The following ERI1 variants were observed in gnomAD, a reference collection of about 807,000 sequenced individuals.
ERI1 encodes the protein exoribonuclease 1.
ERI1 carries 39 observed loss-of-function variants against 39.7 expected under a neutral mutation model. The observed-to-expected ratio is 0.98, with a 90% CI of 0.76 to 1.28. The LOEUF (loss-of-function observed/expected upper bound fraction) is 1.28. Among genes scored for constraint, ERI1 ranks in the 50% most tolerant of loss-of-function variants. ERI1 has a pLI of 0.00. For missense variants in ERI1, 581 were observed against 416.9 expected (o/e 1.39, Z -3.43); for synonymous variants, 204 against 149.6 (o/e 1.36, Z -2.65).
intron 6 of ERI1, 74 bp from the exon 7 acceptor site, chr8:9,029,718 T>C: frequency 6.4e-7 from 1 of 1,553,834 alleles, no homozygotes; most frequent in Non-Finnish European, 8.8e-7. Context: ...AGTTTCTTAT[T>C]TTTCATCTTA....
At chr8:9,045,839 G>A (rs973432903) in intron 3 of ERI1, among the ~76,000 whole-genome samples, 17 of 151,902 alleles carry the variant, frequency 1.1e-4, no homozygotes, top group African/African-American at 4.1e-4. Context: ...ACCACGCCTG[G>A]CTAATATTTT....
At chr8:9,068,957 A>G (rs1484204935) in intron 3 of ERI1, among the ~76,000 whole-genome samples, 1 of 152,078 alleles carries the variant, frequency 6.6e-6, no homozygotes, top group East Asian at 1.9e-4. Context: ...AGCTGGGACT[A>G]CAGGTGTGCA....
intron 3 of ERI1, among the ~76,000 whole-genome samples, chr8:9,075,073 C>T (rs570545364): frequency 6.6e-6 from 1 of 152,334 alleles, no homozygotes; most frequent in East Asian, 1.9e-4. Context: ...CCAAGATTCC[C>T]TGTTCGGTGA....
At chr8:9,025,063 C>T (rs1818326109) in intron 6 of ERI1, among the ~76,000 whole-genome samples, 1 of 152,174 alleles carries the variant, frequency 6.6e-6, no homozygotes, top group East Asian at 1.9e-4. Flanking sequence ...AGCGTTAAGT[C>T]TGTCTCTGGT....
At chr8:9,067,590 G>A (rs1250389571) in intron 3 of ERI1, among the ~76,000 whole-genome samples, 4 of 151,622 alleles carry the variant, frequency 2.6e-5, no homozygotes, top group African/African-American at 9.7e-5. Flanking sequence ...AGGACCTCCA[G>A]GCTGCAGTGA....
chr8:9,016,540 G>A, intron 4 of ERI1, 135 bp downstream of exon 4: 1 of 391,782 alleles, frequency 2.6e-6, no homozygotes. Flanking sequence ...CTTTCATGTT[G>A]TAATAATTAA....
In ERI1 at chr8:9,031,864, C is replaced by A. The variant is rs906018955; in HGVS notation, c.*1830C>A. 1 of 152,164 alleles carries A rather than the reference C, an allele frequency of 6.6e-6. No individual in the cohort carries two copies. The highest frequency in any genetic ancestry group is 2.4e-5 in the African/African-American group (1 of 41,400). The allele number at this position is 152,164 out of a possible 1,614,324, so 9.4% of individuals were successfully genotyped here. ...CCTCCGCCTCCTGGGCTCAGGTGAT[C>A]CTCTTGCCTCAGCCTCCTGAGTAGC... On this transcript the variant is annotated 3_prime_UTR_variant, in exon 7 of 7. Coordinates refer to ENST00000250263, the MANE Select transcript of ERI1 (RefSeq NM_153332.4).
intron 3 of ERI1, among the ~76,000 whole-genome samples, chr8:9,072,301 T>G (rs1444106840): frequency 6.6e-6 from 1 of 152,210 alleles, no homozygotes; most frequent in Non-Finnish European, 1.5e-5. Context: ...GTTTTTGTTA[T>G]TATTTTGAAA....
At position 9,011,662 on chromosome 8, in the gene ERI1, A is replaced by C; in HGVS notation, c.408A>C (p.Glu136Asp). 2 of 1,613,698 alleles carry C rather than the reference A, an allele frequency of 1.2e-6. No homozygotes were observed. Among genetic ancestry groups the C allele is most frequent in the Non-Finnish European group, 1.7e-6 (2 of 1,179,704 alleles). Reference sequence around the variant, plus strand: ...ACTACATTTGTATTATTGACTTTGAAGCCACTTGTGAAGAAGGAAACCCAC... The same window carrying C: ...ACTACATTTGTATTATTGACTTTGACGCCACTTGTGAAGAAGGAAACCCAC... ...YYDYICIIDF[E>D]ATCEEGNPPE... Residue 136 changes from glutamate (E) to aspartate (D), a missense_variant, in exon 3 of 7, where the codon GAA (glutamate) becomes GAC (aspartate). Glu to Asp is a conservative substitution (Grantham distance 45). Coordinates refer to ENST00000250263, the MANE Select transcript of ERI1 (RefSeq NM_153332.4).
chr8:9,003,140 G>A lies in ERI1; in HGVS notation c.77G>A (p.Gly26Asp). The A allele has an allele frequency of 8.0e-7, 1 of 1,244,762 alleles. No individual in the cohort carries two copies. The highest frequency in any genetic ancestry group is 3.8e-5 in the South Asian group (1 of 26,006). The allele number at this position is 1,244,762 out of a possible 1,614,324, so 77.1% of individuals were successfully genotyped here. Residue 26 changes from glycine to aspartate, a missense_variant, in exon 1 of 7, where the codon GGC (glycine) becomes GAC (aspartate). Coordinates refer to ENST00000250263, the MANE Select transcript of ERI1 (RefSeq NM_153332.4). ...CTGCTGGAGTCGCCGCGGCCGGAGG[G>A]CGGGGAGGAGCCGCCGCGTCCCAGT... ...LALLESPRPE[G>D]GEEPPRPSPE... is the part of the protein sequence containing the mutation.
rs561038596 is a variant in ERI1 at position 9,076,566 on chromosome 8, G to A, written n.300-39782G>A. 2.5e-4 allele frequency among the ~76,000 whole-genome samples: 38 copies of A among 152,272 alleles called. 1 individual carries two copies. The East Asian group carries it at 6.9e-3, about 28-fold the overall frequency. On this transcript the variant is annotated intron_variant and non_coding_transcript_variant, in intron 3 of 3. Coordinates refer to the ERI1 transcript ENST00000518663. ...CCCAGTAAGGAAAAGAGGTGGGTGGGGGATTAAGTTCTTATTGGCCCATCA... is the reference window on the plus strand; with the variant it reads ...CCCAGTAAGGAAAAGAGGTGGGTGGAGGATTAAGTTCTTATTGGCCCATCA...
intron 6 of ERI1, among the ~76,000 whole-genome samples, chr8:9,024,900 A>G (rs1818309118): frequency 6.6e-6 from 1 of 151,792 alleles, no homozygotes; most frequent in Admixed American, 6.6e-5. Context: ...TCTTTTTCTC[A>G]GGAAATTAGA....
At chr8:9,004,798 G>A (rs569255674) in intron 1 of ERI1, among the ~76,000 whole-genome samples, 1 of 146,858 alleles carries the variant, frequency 6.8e-6, no homozygotes, top group Non-Finnish European at 1.5e-5. Flanking sequence ...AGTGATTCTC[G>A]TGCCTCAGCC....
intron 3 of ERI1, among the ~76,000 whole-genome samples, chr8:9,084,299 T>G (rs1431442274): frequency 6.6e-6 from 1 of 152,130 alleles, no homozygotes; most frequent in Non-Finnish European, 1.5e-5. Context: ...TTCCACCACA[T>G]TTTTGTCCAT....
Position 9,018,542 on chromosome 8 carries a change from T to C in ERI1, c.692+136T>C, listed in dbSNP as rs577224058. 4.2e-5 allele frequency: 23 copies of C among 545,668 alleles called. No homozygotes were observed. In the East Asian group the frequency reaches 6.8e-4, roughly 16 times the overall value. The allele number at this position is 545,668 out of a possible 1,614,324, so 33.8% of individuals were successfully genotyped here. A position where few individuals can be genotyped will look rare whatever the true frequency, so the allele number is the denominator to read the frequency against. ...CTCACCCCACAGGGAATAGTATTTT[T>C]CCTTTCACCTAAGGATGAAAGAGAG... On this transcript the variant is annotated intron_variant, in intron 5 of 6. Transcript: ENST00000250263.
downstream of ERI1, among the ~76,000 whole-genome samples, chr8:9,036,643 G>C (rs1028240770): frequency 2.6e-5 from 4 of 152,138 alleles, no homozygotes; most frequent in Non-Finnish European, 5.9e-5. Flanking sequence ...GTATCTCTGA[G>C]GTATGCCTGT....
chr8:9,040,774 T>G (rs1001352588), intron 3 of ERI1, among the ~76,000 whole-genome samples: 1 of 152,088 alleles, frequency 6.6e-6, no homozygotes, highest in Non-Finnish European at 1.5e-5. Flanking sequence ...GGTTCTTGTT[T>G]AGGACTTCCT....
chr8:9,003,040 C>T lies in ERI1; in HGVS notation c.-24C>T, dbSNP rs936372675. ...GTTAGCAAGTGTCCGGCTCCAGCAA[C>T]TCTCCTCTGGCGTGACAGCCGGCAT... On this transcript the variant is annotated 5_prime_UTR_variant, in exon 1 of 7. Coordinates refer to ENST00000250263, the MANE Select transcript of ERI1 (RefSeq NM_153332.4). 1 of 1,234,996 alleles carries T rather than the reference C, an allele frequency of 8.1e-7. No homozygotes were observed. Among genetic ancestry groups the T allele is most frequent in the Admixed American group, 4.2e-5 (1 of 23,708 alleles). The allele number at this position is 1,234,996 out of a possible 1,614,324, so 76.5% of individuals were successfully genotyped here.
intron 6 of ERI1, among the ~76,000 whole-genome samples, chr8:9,021,270 G>C (rs1247713550): frequency 6.6e-6 from 1 of 152,098 alleles, no homozygotes; most frequent in Non-Finnish European, 1.5e-5. Context: ...TAGTCTGTCA[G>C]GTTTTCTTTT....
Sources: allele counts gnomAD v4.1 joint callset (sites outside exome capture counted in the v4.1 genomes callset), GRCh38; gene constraint gnomAD v4.1.1; transcripts MANE v1.5; gene names NCBI Gene and HGNC (gene_info 2026-07-23, HGNC 2026-07-21).